The following TRIM44 variants were observed in gnomAD, a reference collection of about 807,000 sequenced individuals.
TRIM44 encodes the protein tripartite motif-containing protein 44.
TRIM44 carries 13 observed loss-of-function variants against 37.4 expected under a neutral mutation model. That is an observed-to-expected ratio of 0.35 (90% CI 0.23 to 0.55). TRIM44 has a LOEUF of 0.55. TRIM44 is among the 20% of genes least tolerant of loss of function. The pLI is 0.89. For missense variants in TRIM44, 426 were observed against 437.2 expected, an observed-to-expected ratio of 0.97 and a Z score of 0.23; for synonymous variants, 175 against 157.2, an observed-to-expected ratio of 1.11 and a Z score of -0.85.
At chr11:35,758,799 CT>C (rs1358255375) in intron 4 of TRIM44, among the ~76,000 whole-genome samples, 1 of 152,156 alleles carries the variant, frequency 6.6e-6, no homozygotes. Context: ...GTTGAAAATT[CT>C]TTTCTTTAAG....
intron 4 of TRIM44, among the ~76,000 whole-genome samples, chr11:35,762,443 T>A (rs1852742442): frequency 6.6e-6 from 1 of 152,166 alleles, no homozygotes; most frequent in African/African-American, 2.4e-5. Context: ...TTCTGACTCC[T>A]TGAGGACTAG....
chr11:35,769,731 C>T (rs964187733), intron 4 of TRIM44, among the ~76,000 whole-genome samples: 13 of 152,136 alleles, frequency 8.5e-5, no homozygotes, highest in Non-Finnish European at 1.8e-4. Context: ...CCTGGTAACT[C>T]TTATTACTAG....
At chr11:35,699,420 T>C (rs1410069408) in intron 2 of TRIM44, among the ~76,000 whole-genome samples, 7 of 152,246 alleles carry the variant, frequency 4.6e-5, no homozygotes, top group Non-Finnish European at 7.4e-5. Flanking sequence ...TGCTGAAAAC[T>C]CTCAATAAAT....
At chr11:35,794,462 T>G (rs975860275) in intron 4 of TRIM44, among the ~76,000 whole-genome samples, 2 of 152,230 alleles carry the variant, frequency 1.3e-5, no homozygotes, top group Non-Finnish European at 2.9e-5. Context: ...GAAGGCTGGA[T>G]ATGAGCTTGC....
Position 35,806,370 on chromosome 11 carries a change from A to C in TRIM44, c.1020A>C (p.Glu340Asp). ...TTTTCCTTTGTAGTGGTGCCAGTGA[A>C]GAAGAGGACACATGAAGGCTTGCTA... ...GDEEGPSGAS[E>D]EEDT The change falls in exon 5 of 5, where the codon GAA becomes GAC. Residue 340 changes from glutamate (E) to aspartate (D), a missense_variant. By Grantham distance (45) the Glu-to-Asp change is conservative (BLOSUM62 2). Around this residue, in one of 2 missense-constraint regions of TRIM44, gnomAD observed 95 missense variants for 134.2 expected, o/e 0.71. Transcript: ENST00000299413. The C allele has an allele frequency of 6.2e-7, 1 of 1,613,700 alleles. No homozygotes were observed. The highest frequency in any genetic ancestry group is 8.5e-7 in the Non-Finnish European group (1 of 1,179,706).
rs12804185 is a variant in TRIM44 at position 35,693,159 on chromosome 11, G to A, written c.747+7823G>A. Among the ~76,000 whole-genome samples, 226 of 152,202 alleles carry A rather than the reference G, an allele frequency of 1.5e-3. 1 individual carries two copies. The highest frequency in any genetic ancestry group is 5.2e-3 in the African/African-American group (214 of 41,542). ...CTGCTGGGATTGGCCAAGACTCAGC[G>A]ATTGTAACAGGCACATACTCCTAAG... On this transcript the variant is annotated intron_variant, in intron 2 of 4. Coordinates refer to ENST00000299413, the MANE Select transcript of TRIM44 (RefSeq NM_017583.6).
chr11:35,814,367 A>G lies in TRIM44; in HGVS notation c.*7982A>G, dbSNP rs1463447406. The G allele has an allele frequency of 6.6e-6, 1 of 152,252 alleles. No individual in the cohort carries two copies. Among genetic ancestry groups the G allele is most frequent in the Non-Finnish European group, 1.5e-5 (1 of 68,044 alleles). 9.4% of individuals were successfully genotyped at this position (152,252 alleles called of 1,614,324 possible). On this transcript the variant is annotated 3_prime_UTR_variant, in exon 5 of 5. Transcript: ENST00000299413. ...TTCCTCACTAGGGAATTTGGTCTCC[A>G]GGGCCACTTTTGACCTTAATCCATG...
At position 35,808,809 on chromosome 11, in the gene TRIM44, A is replaced by C. The variant is rs1022966511; in HGVS notation, c.*2424A>C. The C allele has an allele frequency of 2.2e-4, 33 of 152,186 alleles. No individual in the cohort carries two copies. Among genetic ancestry groups the C allele is most frequent in the African/African-American group, 8.0e-4 (33 of 41,440 alleles). 9.4% of individuals were successfully genotyped at this position (152,186 alleles called of 1,614,324 possible). ...GCCGGCAGCATTTATCAATGTAAGAACTAGGATGCTTCCTGCAGTGGCACT... is the reference window on the plus strand; with the variant it reads ...GCCGGCAGCATTTATCAATGTAAGACCTAGGATGCTTCCTGCAGTGGCACT... On this transcript the variant is annotated 3_prime_UTR_variant, in exon 5 of 5. Transcript: ENST00000299413.
chr11:35,765,670 G>A (rs1192461749), intron 4 of TRIM44, among the ~76,000 whole-genome samples: 1 of 152,184 alleles, frequency 6.6e-6, no homozygotes, highest in Non-Finnish European at 1.5e-5. Flanking sequence ...TCTAGGCAAA[G>A]CTTGGGTATA....
chr11:35,768,659 G>T (rs1024622074), intron 4 of TRIM44, among the ~76,000 whole-genome samples: 1 of 152,132 alleles, frequency 6.6e-6, no homozygotes, highest in African/African-American at 2.4e-5. Flanking sequence ...AACAAAAATG[G>T]CATGTTTCTT....
chr11:35,751,212 GC>G (rs1852555546), intron 4 of TRIM44, among the ~76,000 whole-genome samples: 2 of 152,298 alleles, frequency 1.3e-5, no homozygotes, highest in South Asian at 4.1e-4. Flanking sequence ...TTAAGTCATT[GC>G]ATAAAGTGGG....
chr11:35,734,533 G>A lies in TRIM44; in HGVS notation c.988-893G>A, dbSNP rs139621940. Among the ~76,000 whole-genome samples the A allele has an allele frequency of 5.3e-5, 8 of 152,236 alleles. No homozygotes were observed. The East Asian group carries it at 1.2e-3, about 22-fold the overall frequency. On this transcript the variant is annotated intron_variant, in intron 3 of 4. Coordinates refer to ENST00000299413, the MANE Select transcript of TRIM44 (RefSeq NM_017583.6). ...ATTCATTCTCCGAGGAGTACAACCA[G>A]AATGTACATTCTCTATTGAGACTAC... is the stretch of plus-strand genomic sequence containing the variant.
intron 2 of TRIM44, among the ~76,000 whole-genome samples, chr11:35,725,511 T>C (rs1436780162): frequency 2.0e-5 from 3 of 152,070 alleles, no homozygotes; most frequent in Non-Finnish European, 4.4e-5. Flanking sequence ...TTTTTTTGTA[T>C]TTTTAGTAGA....
intron 4 of TRIM44, among the ~76,000 whole-genome samples, chr11:35,757,195 A>T (rs758913109): frequency 6.6e-6 from 1 of 152,198 alleles, no homozygotes; most frequent in African/African-American, 2.4e-5. Context: ...TTATTGGTCT[A>T]TTCAGAGATT....
At chr11:35,736,227 A>G (rs1326252155) in intron 4 of TRIM44, among the ~76,000 whole-genome samples, 1 of 152,178 alleles carries the variant, frequency 6.6e-6, no homozygotes, top group Admixed American at 6.5e-5. Context: ...CTGCTATTCA[A>G]ACTTTATTTT....
intron 4 of TRIM44, among the ~76,000 whole-genome samples, chr11:35,764,153 T>G (rs1852762741): frequency 6.6e-6 from 1 of 152,162 alleles, no homozygotes; most frequent in Non-Finnish European, 1.5e-5. Flanking sequence ...CTTGTCTCAT[T>G]GGTTAGAGTC....
At chr11:35,684,217 G>T (rs966468152) in intron 1 of TRIM44, among the ~76,000 whole-genome samples, 6 of 152,044 alleles carry the variant, frequency 3.9e-5, no homozygotes, top group African/African-American at 1.4e-4. Context: ...GGTTTAAATT[G>T]ATTGGGCTGT....
intron 4 of TRIM44, among the ~76,000 whole-genome samples, chr11:35,764,383 A>G (rs1441701193): frequency 6.6e-6 from 1 of 152,128 alleles, no homozygotes; most frequent in East Asian, 1.9e-4. Context: ...CTTTCAGGTC[A>G]CTTTTCCCCT....
intron 4 of TRIM44, among the ~76,000 whole-genome samples, chr11:35,797,519 C>G (rs1853309106): frequency 6.6e-6 from 1 of 152,178 alleles, no homozygotes; most frequent in African/African-American, 2.4e-5. Flanking sequence ...AGCACTACCT[C>G]AGCCAGGTGG....
Sources: gnomAD v4.1 joint callset for allele counts (sites outside exome capture counted in the v4.1 genomes callset) on GRCh38, gnomAD v4.1.1 for gene constraint, gnomAD v4.1.1 regional missense constraint, MANE v1.5 for transcripts, NCBI Gene and HGNC (gene_info 2026-07-23, HGNC 2026-07-21) for gene names.